Variants in NRXN3 observed in about 807,000 individuals in gnomAD.
NRXN3 encodes the protein neurexin 3.
NRXN3 carries 32 observed loss-of-function variants against 137.6 expected under a neutral mutation model. That is an observed-to-expected ratio of 0.23 (90% CI 0.18 to 0.31). NRXN3 has a LOEUF of 0.31. Among genes scored for constraint, NRXN3 ranks in the 10% least tolerant of loss-of-function variants. The pLI, the probability that NRXN3 is intolerant of heterozygous loss-of-function variation, is 1.00. For synonymous variants in NRXN3, 798 were observed against 784.5 expected (o/e 1.02, Z -0.29); for missense variants, 1,574 against 2,062.5 (o/e 0.76, Z 4.59).
intron 15 of NRXN3, among the ~76,000 whole-genome samples, chr14:79,096,751 C>T (rs902075994): frequency 5.3e-5 from 8 of 152,146 alleles, no homozygotes; most frequent in African/African-American, 1.9e-4. Flanking sequence ...ATTCCCCTCC[C>T]CCAACAGATC....
At chr14:78,663,675 G>C (rs2097858350) in intron 6 of NRXN3, among the ~76,000 whole-genome samples, 1 of 152,240 alleles carries the variant, frequency 6.6e-6, no homozygotes, top group African/African-American at 2.4e-5. Context: ...TTTTCAGTCT[G>C]ATTTTGGGAA....
intron 15 of NRXN3, among the ~76,000 whole-genome samples, chr14:79,063,250 G>A (rs2099676455): frequency 6.6e-6 from 1 of 152,114 alleles, no homozygotes; most frequent in South Asian, 2.1e-4. Context: ...GGTTAGGCAA[G>A]CAAGGAATTG....
chr14:78,489,747 G>T (rs911919964), intron 4 of NRXN3, among the ~76,000 whole-genome samples: 1 of 152,080 alleles, frequency 6.6e-6, no homozygotes, highest in Non-Finnish European at 1.5e-5. Context: ...GGAAGCAGAT[G>T]TCAGGATTCA....
chr14:78,718,709 GA>G (rs1567139664), intron 8 of NRXN3, among the ~76,000 whole-genome samples: 2 of 152,178 alleles, frequency 1.3e-5, no homozygotes, highest in African/African-American at 4.8e-5. Flanking sequence ...ATTGTATTTA[GA>G]TTTTTTTCAG....
intron 10 of NRXN3, among the ~76,000 whole-genome samples, chr14:78,892,211 A>G (rs1366240857): frequency 6.6e-6 from 1 of 152,046 alleles, no homozygotes; most frequent in Non-Finnish European, 1.5e-5. Context: ...CACTGGGCAC[A>G]GGAACGCTTT....
chr14:79,124,090 T>C (rs1368831183), intron 15 of NRXN3, among the ~76,000 whole-genome samples: 2 of 152,150 alleles, frequency 1.3e-5, no homozygotes, highest in East Asian at 3.9e-4. Flanking sequence ...ACAGCTCTAA[T>C]GTAGGTCTGG....
chr14:79,082,628 G>C lies in NRXN3; in HGVS notation c.3262+94487G>C, dbSNP rs117974123. Among the ~76,000 whole-genome samples the C allele has an allele frequency of 9.7e-4, 148 of 152,196 alleles. 5 individuals are homozygous for C. The East Asian group carries it at 0.027, about 28-fold the overall frequency. On this transcript the variant is annotated intron_variant, in intron 15 of 20. Coordinates refer to ENST00000335750, the MANE Select transcript of NRXN3 (RefSeq NM_001330195.2). ...AACTAAGGCCAAGAGATGTTAAATG[G>C]CTTGAACACAGAATGATCAGTGGAA...
intron 4 of NRXN3, among the ~76,000 whole-genome samples, chr14:78,384,428 G>A (rs916735214): frequency 2.6e-5 from 4 of 152,108 alleles, no homozygotes; most frequent in African/African-American, 9.7e-5. Context: ...TTAATTAGCT[G>A]TGTGACCATG....
In NRXN3 at chr14:78,791,944, G is replaced by A. The variant is rs542165195; in HGVS notation, c.2045-11676G>A. Among the ~76,000 whole-genome samples the A allele has an allele frequency of 8.9e-4, 136 of 152,050 alleles. 1 individual carries two copies. Among genetic ancestry groups the A allele is most frequent in the African/African-American group, 3.2e-3 (133 of 41,460 alleles). On this transcript the variant is annotated intron_variant, in intron 8 of 20. Coordinates refer to ENST00000335750, the MANE Select transcript of NRXN3 (RefSeq NM_001330195.2). ...TAATTCTAGGTGGCAAGAAGTCAACGAAACTGTGTCTGAACAATTAGGAAC... is the reference window on the plus strand; with the variant it reads ...TAATTCTAGGTGGCAAGAAGTCAACAAAACTGTGTCTGAACAATTAGGAAC...
chr14:79,099,160 T>A (rs934102090), intron 15 of NRXN3, among the ~76,000 whole-genome samples: 1 of 152,206 alleles, frequency 6.6e-6, no homozygotes, highest in African/African-American at 2.4e-5. Flanking sequence ...ATAGTGTTTG[T>A]TTTGAGGACA....
intron 16 of NRXN3, among the ~76,000 whole-genome samples, chr14:79,496,373 G>T (rs1342538537): frequency 6.6e-6 from 1 of 151,990 alleles, no homozygotes; most frequent in African/African-American, 2.4e-5. Context: ...CAAAAAATCT[G>T]ATCTGTGGTG....
At chr14:78,223,523 T>C (rs1378049789) in intron 1 of NRXN3, among the ~76,000 whole-genome samples, 1 of 152,234 alleles carries the variant, frequency 6.6e-6, no homozygotes, top group Non-Finnish European at 1.5e-5. Flanking sequence ...ATGGGATGGC[T>C]GCTTTTTAGA....
At chr14:78,288,997 A>AG in intron 3 of NRXN3, among the ~76,000 whole-genome samples, 1 of 152,308 alleles carries the variant, frequency 6.6e-6, no homozygotes, top group South Asian at 2.1e-4. Flanking sequence ...ACAAAAGGCT[A>AG]GGTGGTGAGG....
intron 4 of NRXN3, among the ~76,000 whole-genome samples, chr14:78,401,274 C>T (rs189382252): frequency 2.0e-5 from 3 of 152,280 alleles, no homozygotes; most frequent in South Asian, 2.1e-4. Flanking sequence ...AAGTGATTCT[C>T]CTGCCTCAGC....
At chr14:79,403,346 A>G (rs985797278) in intron 15 of NRXN3, among the ~76,000 whole-genome samples, 8 of 152,088 alleles carry the variant, frequency 5.3e-5, no homozygotes, top group African/African-American at 1.9e-4. Flanking sequence ...ACATTTTTAG[A>G]TATTGGGAGT....
intron 4 of NRXN3, among the ~76,000 whole-genome samples, chr14:78,612,218 C>T (rs1294503667): frequency 6.6e-6 from 1 of 152,180 alleles, no homozygotes; most frequent in Non-Finnish European, 1.5e-5. Flanking sequence ...CCCTCATCTT[C>T]TGTTGAAATA....
intron 15 of NRXN3, among the ~76,000 whole-genome samples, chr14:79,166,613 C>T (rs942085448): frequency 1.3e-5 from 2 of 151,094 alleles, no homozygotes; most frequent in African/African-American, 4.9e-5. Flanking sequence ...AGAAGATTCT[C>T]TATTTTTAGT....
At chr14:78,720,585 A>G (rs1282834780) in intron 8 of NRXN3, among the ~76,000 whole-genome samples, 1 of 152,110 alleles carries the variant, frequency 6.6e-6, no homozygotes, top group Admixed American at 6.5e-5. Context: ...ATGATATTCA[A>G]TCTATCTCAG....
chr14:79,756,765 T>C (rs1044773567), intron 19 of NRXN3, among the ~76,000 whole-genome samples: 2 of 152,164 alleles, frequency 1.3e-5, no homozygotes, highest in African/African-American at 4.8e-5. Context: ...GAGTTATCCA[T>C]CCCTCTGACC....
Sources: gnomAD v4.1 joint callset for allele counts (sites outside exome capture counted in the v4.1 genomes callset) on GRCh38, gnomAD v4.1.1 for gene constraint, MANE v1.5 for transcripts, NCBI Gene and HGNC (gene_info 2026-07-23, HGNC 2026-07-21) for gene names.